OSBP: variants seen among roughly 807,000 people sequenced by gnomAD.
OSBP encodes oxysterol-binding protein 1.
In OSBP, 32 loss-of-function variants were observed where a neutral mutation model predicts 96.6. The observed-to-expected ratio is 0.33, with a 90% CI of 0.25 to 0.45. The LOEUF (loss-of-function observed/expected upper bound fraction) is 0.45, where lower values mean the gene tolerates loss of function less well. Ranked by LOEUF, OSBP falls within the 20% of genes least tolerant of loss-of-function variation. The pLI, the probability that OSBP is intolerant of heterozygous loss-of-function variation, is 1.00. For missense variants in OSBP, 653 were observed against 1,029.7 expected, an observed-to-expected ratio of 0.63 and a Z score of 5.01; for synonymous variants, 369 against 389.6, an observed-to-expected ratio of 0.95 and a Z score of 0.62.
chr11:59,600,030 C>T (rs1860701447), intron 7 of OSBP, among the ~76,000 whole-genome samples: 1 of 152,132 alleles, frequency 6.6e-6, no homozygotes, highest in Non-Finnish European at 1.5e-5. Flanking sequence ...GAGGTCAGCC[C>T]AAACACCATC....
intron 10 of OSBP, 90 bp from the exon 11 acceptor site, chr11:59,580,359 T>TA: frequency 1.2e-6 from 1 of 801,458 alleles, no homozygotes; most frequent in Non-Finnish European, 2.1e-6. Flanking sequence ...TTTTCAATCT[T>TA]ACATTCTAGT....
At chr11:59,608,373 C>T (rs762217771) in intron 3 of OSBP, 111 bp downstream of exon 3, 77 of 1,290,034 alleles carry the variant, frequency 6.0e-5, no homozygotes, top group Non-Finnish European at 8.1e-5. Context: ...ACCAGTGAAG[C>T]AGGCCCTAAT....
intron 1 of OSBP, among the ~76,000 whole-genome samples, chr11:59,614,148 A>C (rs1860889838): frequency 6.6e-6 from 1 of 152,216 alleles, no homozygotes; most frequent in South Asian, 2.1e-4. Context: ...ATTACTTGCT[A>C]TTGATAAGCA....
chr11:59,577,081 A>G, intron 12 of OSBP, 56 bp from the exon 13 acceptor site: 1 of 1,425,350 alleles, frequency 7.0e-7, no homozygotes, highest in South Asian at 1.2e-5. Context: ...GACCCTATTT[A>G]AAGAGCAACA....
Position 59,615,638 on chromosome 11 carries a change from C to T in OSBP, c.27G>A (p.Val9=), listed in dbSNP as rs1001157691. 10 of 1,383,286 alleles carry T rather than the reference C, an allele frequency of 7.2e-6. No homozygotes were observed. In the African/African-American group the frequency reaches 1.2e-4, roughly 17 times the overall value. 85.7% of individuals were successfully genotyped at this position (1,383,286 alleles called of 1,614,324 possible). A position where few individuals can be genotyped will look rare whatever the true frequency, so the allele number is the denominator to read the frequency against. Reference sequence around the variant, plus strand: ...CAATGGCTGCCGGGCCTGGCCCCACCACTCCTCTCAGCTCCGTCGCCGCCA... The same window carrying T: ...CAATGGCTGCCGGGCCTGGCCCCACTACTCCTCTCAGCTCCGTCGCCGCCA... MAATELRG[V]VGPGPAAIAA... is the part of the protein sequence containing the mutation. Residue 9 remains valine (V), a synonymous_variant, in exon 1 of 14, where the codon GTG becomes GTA. Coordinates refer to ENST00000263847, the MANE Select transcript of OSBP (RefSeq NM_002556.3).
Position 59,608,484 on chromosome 11 carries a change from G to A in OSBP, c.822C>T (p.Asn274=), listed in dbSNP as rs1049945231. 7 of 1,614,012 alleles carry A rather than the reference G, an allele frequency of 4.3e-6. No homozygotes were observed. Among genetic ancestry groups the A allele is most frequent in the East Asian group, 2.2e-5 (1 of 44,892 alleles). Residue 274 remains asparagine, a splice_region_variant and synonymous_variant, in exon 3 of 14, where the codon AAC becomes AAT. Coordinates refer to ENST00000263847, the MANE Select transcript of OSBP (RefSeq NM_002556.3). ...LFRITSNAMI[N]ACRDFLMLAQ... ...CAACACAGACACCATCTGCACTCAC[G>A]TTGATCATGGCATTGGATGTTATCC...
intron 9 of OSBP, among the ~76,000 whole-genome samples, chr11:59,591,732 T>C (rs959331098): frequency 2.0e-5 from 3 of 151,970 alleles, no homozygotes; most frequent in Non-Finnish European, 4.4e-5. Context: ...GCAATTCTCC[T>C]GCCTCAGCCT....
chr11:59,580,314 A>T (rs1195180273), intron 10 of OSBP, 45 bp from the exon 11 acceptor site: 1 of 1,145,280 alleles, frequency 8.7e-7, no homozygotes, highest in African/African-American at 1.5e-5. Flanking sequence ...GGATAAATTC[A>T]ATGTCTGCCA....
At chr11:59,604,832 G>A (rs1054991511) in intron 3 of OSBP, among the ~76,000 whole-genome samples, 7 of 151,316 alleles carry the variant, frequency 4.6e-5, no homozygotes, top group Non-Finnish European at 8.8e-5. Flanking sequence ...TCCAGCCTGG[G>A]TGAGAGAGCA....
At chr11:59,580,638 G>A (rs1244027167) in intron 10 of OSBP, among the ~76,000 whole-genome samples, 1 of 151,900 alleles carries the variant, frequency 6.6e-6, no homozygotes, top group East Asian at 1.9e-4. Flanking sequence ...ATTACATATG[G>A]TCGGCCTTTC....
At chr11:59,612,830 T>C (rs1051919323) in intron 1 of OSBP, among the ~76,000 whole-genome samples, 3 of 152,142 alleles carry the variant, frequency 2.0e-5, no homozygotes, top group Admixed American at 6.5e-5. Flanking sequence ...TGTCACAATG[T>C]TTCTGGGAGA....
At chr11:59,614,838 C>T (rs1428582199) in intron 1 of OSBP, among the ~76,000 whole-genome samples, 1 of 152,216 alleles carries the variant, frequency 6.6e-6, no homozygotes, top group Non-Finnish European at 1.5e-5. Context: ...ACATCCAGAG[C>T]TACGAATAAC....
intron 3 of OSBP, among the ~76,000 whole-genome samples, chr11:59,607,760 T>C (rs1860800271): frequency 6.6e-6 from 1 of 152,138 alleles, no homozygotes; most frequent in Non-Finnish European, 1.5e-5. Flanking sequence ...ATGCCATGGG[T>C]GCTCTGTTTA....
chr11:59,595,884 C>T (rs906093867), intron 7 of OSBP, among the ~76,000 whole-genome samples: 1 of 151,384 alleles, frequency 6.6e-6, no homozygotes, highest in African/African-American at 2.4e-5. Context: ...GCAGAAGTTG[C>T]AGTGAGCCAA....
At chr11:59,602,447 A>G (rs1010144124) in intron 3 of OSBP, among the ~76,000 whole-genome samples, 1 of 152,216 alleles carries the variant, frequency 6.6e-6, no homozygotes, top group Non-Finnish European at 1.5e-5. Flanking sequence ...AGGTTTAGAG[A>G]AAAAACCCAC....
chr11:59,608,473 T>G lies in OSBP; in HGVS notation c.822+11A>C. Reference sequence around the variant, plus strand: ...GAATCAAAAAGCAACACAGACACCATCTGCACTCACGTTGATCATGGCATT... The same window carrying G: ...GAATCAAAAAGCAACACAGACACCAGCTGCACTCACGTTGATCATGGCATT... On this transcript the variant is annotated intron_variant, in intron 3 of 13. Transcript: ENST00000263847. 1 of 1,614,162 alleles carries G rather than the reference T, an allele frequency of 6.2e-7. No individual in the cohort carries two copies. Among genetic ancestry groups the G allele is most frequent in the Non-Finnish European group, 8.5e-7 (1 of 1,179,984 alleles).
Position 59,574,497 on chromosome 11 carries a change from A to T in OSBP, c.*2080T>A, listed in dbSNP as rs1247157855. On this transcript the variant is annotated 3_prime_UTR_variant, in exon 14 of 14. Transcript: ENST00000263847. ...ATATATATAGTTGTGTTTTGTTTTC[A>T]TGTGACTTTATTCCACCTGAAAGAT... is the stretch of plus-strand genomic sequence containing the variant. 6.6e-6 allele frequency: 1 copy of T among 152,362 alleles called. No homozygotes were observed. The highest frequency in any genetic ancestry group is 2.4e-5 in the African/African-American group (1 of 41,334). 9.4% of individuals were successfully genotyped at this position (152,362 alleles called of 1,614,324 possible).
Position 59,576,332 on chromosome 11 carries a change from C to CGGCCA in OSBP, c.*240_*244dup, listed in dbSNP as rs1367211506. Reference sequence around the variant, plus strand: ...GTGGATGTGGAATAACACTAACCTTCGGCCACTAAACCTCTCCCTTACAGA... The same window carrying CGGCCA: ...GTGGATGTGGAATAACACTAACCTTCGGCCAGGCCACTAAACCTCTCCCTTACAGA... On this transcript the variant is annotated 3_prime_UTR_variant, in exon 14 of 14. Coordinates refer to ENST00000263847, the MANE Select transcript of OSBP (RefSeq NM_002556.3). 1.5e-5 allele frequency: 7 copies of CGGCCA among 462,058 alleles called. No homozygotes were observed. Among genetic ancestry groups the CGGCCA allele is most frequent in the Admixed American group, 3.8e-5 (1 of 26,504 alleles). 28.6% of individuals were successfully genotyped at this position (462,058 alleles called of 1,614,324 possible). A position where few individuals can be genotyped will look rare whatever the true frequency, so the allele number is the denominator to read the frequency against.
Position 59,575,996 on chromosome 11 carries a change from T to C in OSBP, c.*581A>G, listed in dbSNP as rs968439336. On this transcript the variant is annotated 3_prime_UTR_variant, in exon 14 of 14. Coordinates refer to ENST00000263847, the MANE Select transcript of OSBP (RefSeq NM_002556.3). ...TTCCAGCCCTATAGAACAATCTCTC[T>C]CACAGGTGTTCCAATATCGCAGTTA... 6 of 152,394 alleles carry C rather than the reference T, an allele frequency of 3.9e-5. No homozygotes were observed. Among genetic ancestry groups the C allele is most frequent in the Non-Finnish European group, 2.9e-5 (2 of 68,226 alleles). The allele number at this position is 152,394 out of a possible 1,614,324, so 9.4% of individuals were successfully genotyped here.
Sources: allele counts gnomAD v4.1 joint callset (sites outside exome capture counted in the v4.1 genomes callset), GRCh38; gene constraint gnomAD v4.1.1; transcripts MANE v1.5; gene names NCBI Gene and HGNC (gene_info 2026-07-23, HGNC 2026-07-21).